Variants in NPAS3 observed in about 807,000 individuals in gnomAD.
NPAS3 encodes neuronal PAS domain-containing protein 3.
A neutral mutation model predicts 73.1 loss-of-function variants in NPAS3; 14 were observed. That is an observed-to-expected ratio of 0.19 (90% CI 0.13 to 0.30). The LOEUF (loss-of-function observed/expected upper bound fraction) is 0.30. Among genes scored for constraint, NPAS3 ranks in the 10% least tolerant of loss-of-function variants. The pLI, the probability that NPAS3 is intolerant of heterozygous loss-of-function variation, is 1.00. For synonymous variants in NPAS3, 620 were observed against 541.5 expected, an observed-to-expected ratio of 1.14 and a Z score of -2.01; for missense variants, 1,096 against 1,250.0, an observed-to-expected ratio of 0.88 and a Z score of 1.86.
Position 33,321,678 on chromosome 14 carries a change from C to T in NPAS3, c.386-45508C>T, listed in dbSNP as rs574254941. On this transcript the variant is annotated intron_variant, in intron 3 of 11. Coordinates refer to ENST00000356141, the Ensembl canonical transcript of NPAS3. ...CTGTAAAATGGAGTTAAAGATCATC[C>T]CAGCGTTTTTGTGTGTGGTGGTGGG... Among the ~76,000 whole-genome samples, 6 of 151,976 alleles carry T rather than the reference C, an allele frequency of 3.9e-5. No individual in the cohort carries two copies. The South Asian group carries it at 1.2e-3, about 32-fold the overall frequency.
Position 33,198,081 on chromosome 14 carries a change from T to C in NPAS3, c.141-17101T>C, listed in dbSNP as rs937383952. On this transcript the variant is annotated intron_variant, in intron 2 of 11. Transcript: ENST00000356141. The stretch of plus-strand genomic sequence containing the variant: ...AGTTGTTTGTTCCTCCCGTCCAGAG[T>C]TGTTCATTCCTCCCAGTGGGGGGTT... 5.1e-5 allele frequency among the ~76,000 whole-genome samples: 7 copies of C among 138,572 alleles called. No individual in the cohort carries two copies. The South Asian group carries it at 1.8e-3, about 36-fold the overall frequency. The allele number at this position is 138,572 out of a possible 152,430, so 90.9% of individuals were successfully genotyped here.
intron 3 of NPAS3, among the ~76,000 whole-genome samples, chr14:33,244,913 T>C (rs2048327844): frequency 6.6e-6 from 1 of 152,226 alleles, no homozygotes; most frequent in Non-Finnish European, 1.5e-5. Context: ...TCTAGGCCAG[T>C]AGTTTTAAAC....
At chr14:33,120,874 GC>G (rs2043208994) in intron 2 of NPAS3, among the ~76,000 whole-genome samples, 5 of 152,146 alleles carry the variant, frequency 3.3e-5, no homozygotes, top group Admixed American at 3.3e-4. Context: ...GTAGCAGGAC[GC>G]CTTAGCACTA....
At chr14:33,336,060 C>T (rs1474433137) in intron 3 of NPAS3, among the ~76,000 whole-genome samples, 1 of 152,142 alleles carries the variant, frequency 6.6e-6, no homozygotes, top group East Asian at 1.9e-4. Context: ...ACATTCTCAC[C>T]AGCAATGTGT....
chr14:32,977,380 A>ACACACACACACACC (rs1347224452), intron 1 of NPAS3, among the ~76,000 whole-genome samples: 30 of 150,926 alleles, frequency 2.0e-4, no homozygotes, highest in African/African-American at 4.4e-4. Flanking sequence ...ACACACACAC[A>ACACACACACACACC]CCCCTAATCT....
chr14:33,117,849 CT>C (rs1419752948), intron 2 of NPAS3, among the ~76,000 whole-genome samples: 1 of 152,080 alleles, frequency 6.6e-6, no homozygotes, highest in Non-Finnish European at 1.5e-5. Flanking sequence ...CTGTCAAAAT[CT>C]TTGACATTTT....
intron 1 of NPAS3, among the ~76,000 whole-genome samples, chr14:33,010,938 CAAAA>C (rs77196350): frequency 1.7e-5 from 2 of 120,358 alleles, no homozygotes; most frequent in Admixed American, 8.4e-5. Context: ...GAACCTGTCT[CAAAA>C]AAAAAAAAAA....
intron 4 of NPAS3, among the ~76,000 whole-genome samples, chr14:33,451,116 G>C (rs114428570): frequency 0.022 from 3,339 of 152,212 alleles, 102 homozygotes; most frequent in African/African-American, 0.075. Flanking sequence ...TTTTATCTCT[G>C]TGTTTTCAGT....
At chr14:33,032,991 A>G (rs1290576452) in intron 1 of NPAS3, among the ~76,000 whole-genome samples, 2 of 152,154 alleles carry the variant, frequency 1.3e-5, no homozygotes, top group African/African-American at 2.4e-5. Context: ...TTGGTCCCCA[A>G]ACAGTTTCAG....
At chr14:33,574,214 G>A (rs560316442) in intron 5 of NPAS3, among the ~76,000 whole-genome samples, 1 of 152,092 alleles carries the variant, frequency 6.6e-6, no homozygotes, top group South Asian at 2.1e-4. Context: ...GCAAGCCTCA[G>A]AAAATCTCAG....
chr14:33,236,710 C>T (rs541172354), intron 3 of NPAS3, among the ~76,000 whole-genome samples: 6 of 152,000 alleles, frequency 3.9e-5, no homozygotes, highest in Non-Finnish European at 7.4e-5. Context: ...GGTCTGGCTT[C>T]GACATTTTAG....
intron 4 of NPAS3, among the ~76,000 whole-genome samples, chr14:33,448,103 A>C (rs528371256): frequency 3.9e-5 from 6 of 152,172 alleles, no homozygotes; most frequent in Non-Finnish European, 5.9e-5. Context: ...GAAGATTATT[A>C]ATTCGATTGG....
At chr14:33,496,583 T>C (rs1323508813) in intron 4 of NPAS3, among the ~76,000 whole-genome samples, 1 of 152,012 alleles carries the variant, frequency 6.6e-6, no homozygotes, top group Non-Finnish European at 1.5e-5. Flanking sequence ...CACATAAACA[T>C]AACCAGTGAC....
chr14:33,136,476 G>GAAAGAAAA (rs2043844103), intron 2 of NPAS3, among the ~76,000 whole-genome samples: 1 of 152,184 alleles, frequency 6.6e-6, no homozygotes, highest in Non-Finnish European at 1.5e-5. Flanking sequence ...GTTCTATATA[G>GAAAGAAAA]TTTTCTGGAA....
rs565666283 is a variant in NPAS3, at chr14:32,980,630, A to G, written c.50+41264A>G. 1.2e-4 allele frequency among the ~76,000 whole-genome samples: 18 copies of G among 152,320 alleles called. No individual in the cohort carries two copies. The South Asian group carries it at 3.3e-3, about 28-fold the overall frequency. On this transcript the variant is annotated intron_variant, in intron 1 of 11. Transcript: ENST00000356141. ...TTTTAAAAAACATACAGTTCATGTG[A>G]AAGTCTGAATAAAATTCATGGAGTA...
chr14:33,793,313 C>A (rs139483958), intron 9 of NPAS3, among the ~76,000 whole-genome samples: 2 of 152,294 alleles, frequency 1.3e-5, no homozygotes, highest in African/African-American at 4.8e-5. Flanking sequence ...CAACATTCAG[C>A]GAAGTCTCAC....
intron 7 of NPAS3, among the ~76,000 whole-genome samples, chr14:33,773,062 T>C (rs2062703747): frequency 6.6e-6 from 1 of 152,144 alleles, no homozygotes; most frequent in African/African-American, 2.4e-5. Context: ...GGGCCCACTA[T>C]TGGAAAACCA....
At chr14:33,394,204 C>T (rs2047125996) in intron 4 of NPAS3, among the ~76,000 whole-genome samples, 1 of 152,104 alleles carries the variant, frequency 6.6e-6, no homozygotes, top group Non-Finnish European at 1.5e-5. Context: ...CTCAGTGATG[C>T]TGAAGAGATG....
rs761489524 is a variant in NPAS3, at chr14:33,799,838, A to G, written c.1531A>G (p.Met511Val). 11 of 1,614,026 alleles carry G rather than the reference A, an allele frequency of 6.8e-6. No individual in the cohort carries two copies. The East Asian group carries it at 2.5e-4, about 36-fold the overall frequency. Residue 511 changes from methionine to valine, a missense_variant, in exon 12 of 12, where the codon ATG becomes GTG. Physicochemically the swap from Met to Val is conservative, Grantham distance 21. This residue lies in a region of NPAS3 where 698 missense variants were observed against 676.7 expected (regional missense o/e 1.03). Coordinates refer to ENST00000356141, the Ensembl canonical transcript of NPAS3. ...GTCGGGCAACGCGTGTGACAACGAC[A>G]TGAACTGCAACGACGACGGCCACAG... is the stretch of plus-strand genomic sequence containing the variant.
Sources: gnomAD v4.1 joint callset for allele counts (sites outside exome capture counted in the v4.1 genomes callset) on GRCh38, gnomAD v4.1.1 for gene constraint, gnomAD v4.1.1 regional missense constraint, MANE v1.5 for transcripts, NCBI Gene and HGNC (gene_info 2026-07-23, HGNC 2026-07-21) for gene names.